The following ULK4 variants were observed in gnomAD, a reference collection of about 807,000 sequenced individuals.
ULK4 encodes unc-51 like kinase 4, also known as inactive serine/threonine-protein kinase ULK4.
Under a neutral mutation model 160.6 loss-of-function variants are expected in ULK4, and 133 were observed. The observed-to-expected ratio is 0.83, with a 90% CI of 0.72 to 0.96. The LOEUF is 0.96. ULK4 is among the 40% of genes least tolerant of loss of function. The pLI is 0.00. For missense variants in ULK4, 1,580 were observed against 1,499.5 expected, an observed-to-expected ratio of 1.05 and a Z score of -0.89; for synonymous variants, 534 against 539.8, an observed-to-expected ratio of 0.99 and a Z score of 0.15.
intron 30 of ULK4, among the ~76,000 whole-genome samples, chr3:41,624,612 CTTTGA>C (rs1293187087): frequency 1.3e-5 from 2 of 151,968 alleles, no homozygotes; most frequent in Admixed American, 6.6e-5. Context: ...AATTTTTGTT[CTTTGA>C]TTTGACTAAT....
chr3:41,269,828 C>T (rs1165104619), intron 35 of ULK4, among the ~76,000 whole-genome samples: 1 of 152,156 alleles, frequency 6.6e-6, no homozygotes, highest in East Asian at 1.9e-4. Flanking sequence ...AGTACTTGCA[C>T]ATGACTAATT....
At chr3:41,504,320 G>A (rs1288416089) in intron 32 of ULK4, among the ~76,000 whole-genome samples, 1 of 152,058 alleles carries the variant, frequency 6.6e-6, no homozygotes, top group African/African-American at 2.4e-5. Context: ...CATAAGATAG[G>A]GGCCTTTGTT....
intron 29 of ULK4, among the ~76,000 whole-genome samples, chr3:41,672,538 CTAGGGAGGATGTA>C (rs927768720): frequency 5.3e-5 from 8 of 152,126 alleles, no homozygotes; most frequent in African/African-American, 9.6e-5. Context: ...ATTCCAGACA[CTAGGGAGGATGTA>C]TAGGTAGAGT....
chr3:41,611,749 A>G (rs2032688329), intron 31 of ULK4, among the ~76,000 whole-genome samples: 1 of 152,146 alleles, frequency 6.6e-6, no homozygotes, highest in Admixed American at 6.5e-5. Flanking sequence ...CAGGCGTTCT[A>G]GACTTTTTTT....
chr3:41,366,846 TAC>T (rs1162521062), intron 35 of ULK4, among the ~76,000 whole-genome samples: 1 of 152,196 alleles, frequency 6.6e-6, no homozygotes, highest in Admixed American at 6.5e-5. Flanking sequence ...GGTGCTAATA[TAC>T]AGTTCCCATA....
At chr3:41,279,256 A>AAAAAG (rs1559501504) in intron 35 of ULK4, among the ~76,000 whole-genome samples, 21 of 96,936 alleles carry the variant, frequency 2.2e-4, no homozygotes, top group African/African-American at 1.1e-3. Flanking sequence ...AAAAAAGAGT[A>AAAAAG]AAAAAAAAAA....
intron 20 of ULK4, among the ~76,000 whole-genome samples, chr3:41,797,486 C>T (rs939655496): frequency 3.9e-5 from 6 of 152,112 alleles, no homozygotes; most frequent in Non-Finnish European, 8.8e-5. Context: ...AAAAGCTCTG[C>T]ACTCTAAAAA....
chr3:41,735,882 C>T (rs1404733707), intron 22 of ULK4, among the ~76,000 whole-genome samples: 2 of 130,094 alleles, frequency 1.5e-5, no homozygotes, highest in African/African-American at 5.7e-5. Context: ...TGATGTTCCC[C>T]TTCCTGTGTC....
intron 30 of ULK4, among the ~76,000 whole-genome samples, chr3:41,658,290 G>A (rs569621809): frequency 4.4e-4 from 67 of 152,258 alleles, no homozygotes; most frequent in South Asian, 1.5e-3. Context: ...GATGGGGAGC[G>A]TCTAATTACT....
intron 31 of ULK4, among the ~76,000 whole-genome samples, chr3:41,595,943 G>C (rs1162165053): frequency 6.6e-6 from 1 of 152,188 alleles, no homozygotes; most frequent in Non-Finnish European, 1.5e-5. Context: ...GTGGGGTAAA[G>C]AGTATCCCTA....
intron 35 of ULK4, among the ~76,000 whole-genome samples, chr3:41,296,604 G>A (rs1197266112): frequency 2.0e-5 from 3 of 152,182 alleles, no homozygotes; most frequent in East Asian, 1.9e-4. Context: ...GAGGCCTTTG[G>A]TGGGAGGTGA....
intron 30 of ULK4, among the ~76,000 whole-genome samples, chr3:41,636,751 C>G (rs2033967845): frequency 6.6e-6 from 1 of 151,516 alleles, no homozygotes; most frequent in South Asian, 2.1e-4. Context: ...TGCTATCCCT[C>G]CCCCGTCCCC....
intron 18 of ULK4, among the ~76,000 whole-genome samples, chr3:41,831,756 G>T (rs1392565250): frequency 2.0e-5 from 3 of 151,734 alleles, no homozygotes; most frequent in Non-Finnish European, 4.4e-5. Context: ...GTGTCCATGT[G>T]TTCTCATTGT....
chr3:41,567,699 G>A (rs1250030346), intron 31 of ULK4, among the ~76,000 whole-genome samples: 4 of 152,000 alleles, frequency 2.6e-5, no homozygotes, highest in African/African-American at 4.8e-5. Flanking sequence ...TCTTGACCTC[G>A]TGATCCATCT....
intron 31 of ULK4, among the ~76,000 whole-genome samples, chr3:41,578,502 G>A (rs990382256): frequency 6.6e-6 from 1 of 152,148 alleles, no homozygotes; most frequent in South Asian, 2.1e-4. Flanking sequence ...TAATGGTTGC[G>A]ACAGTATAAA....
intron 16 of ULK4, among the ~76,000 whole-genome samples, chr3:41,888,883 G>C (rs1697819910): frequency 6.6e-6 from 1 of 152,196 alleles, no homozygotes; most frequent in African/African-American, 2.4e-5. Context: ...CCAAATTAAA[G>C]TCAACCAGTC....
intron 32 of ULK4, among the ~76,000 whole-genome samples, chr3:41,511,162 C>CAAAAAAA (rs57133226): frequency 1.0e-5 from 1 of 97,596 alleles, no homozygotes; most frequent in East Asian, 2.9e-4. Context: ...GACTCCGTCT[C>CAAAAAAA]AAAAAAAAAA....
intron 35 of ULK4, among the ~76,000 whole-genome samples, chr3:41,346,674 A>T (rs1263624526): frequency 1.3e-5 from 2 of 152,182 alleles, no homozygotes; most frequent in African/African-American, 4.8e-5. Context: ...TTTCATTGGG[A>T]ACTACTTTTC....
chr3:41,789,837 A>G lies in ULK4; in HGVS notation c.2017T>C (p.Cys673Arg). Reference sequence around the variant, plus strand: ...GTAGGAGAATGGCGAGTGATTCTACACAAGGCCTACAAAGACAAGAGAACA... The same window carrying G: ...GTAGGAGAATGGCGAGTGATTCTACGCAAGGCCTACAAAGACAAGAGAACA... ...SLRITAVSAL[C>R]RITRHSPTAF... is the part of the protein sequence containing the mutation. The change falls in exon 21 of 37, where the codon TGT becomes CGT. Residue 673 changes from cysteine (C) to arginine (R), a missense_variant. Physicochemically the swap from Cys to Arg is radical, Grantham distance 180. Coordinates refer to ENST00000301831, the MANE Select transcript of ULK4 (RefSeq NM_017886.4). The G allele has an allele frequency of 6.2e-7, 1 of 1,604,950 alleles. No individual in the cohort carries two copies. Among genetic ancestry groups the G allele is most frequent in the South Asian group, 1.1e-5 (1 of 89,430 alleles).
Sources: allele counts gnomAD v4.1 joint callset (sites outside exome capture counted in the v4.1 genomes callset), GRCh38; gene constraint gnomAD v4.1.1; transcripts MANE v1.5; gene names NCBI Gene and HGNC (gene_info 2026-07-23, HGNC 2026-07-21).